ESRRG: variants seen among roughly 807,000 people sequenced by gnomAD.
ESRRG encodes the protein estrogen related receptor gamma, also known as estrogen-related receptor gamma.
ESRRG carries 13 observed loss-of-function variants against 44.0 expected under a neutral mutation model. The observed-to-expected ratio is 0.30, with a 90% CI of 0.19 to 0.47. The LOEUF is 0.47. Ranked by LOEUF, ESRRG falls within the 20% of genes least tolerant of loss-of-function variation. The pLI, the probability that ESRRG is intolerant of heterozygous loss-of-function variation, is 1.00. For missense variants in ESRRG, 395 were observed against 580.6 expected (o/e 0.68, Z 3.29); for synonymous variants, 215 against 214.6 (o/e 1.00, Z -0.02).
At chr1:216,507,251 T>C (rs1482324210) in intron 6 of ESRRG, 68 bp from the exon 7 acceptor site, 1 of 1,024,354 alleles carries the variant, frequency 9.8e-7, no homozygotes. Context: ...ACTAGAGTTA[T>C]AAAATTAGTT....
intron 5 of ESRRG, among the ~76,000 whole-genome samples, chr1:216,550,166 A>G (rs1326275370): frequency 6.6e-6 from 1 of 152,188 alleles, no homozygotes; most frequent in Non-Finnish European, 1.5e-5. Flanking sequence ...GCTGTCTGGA[A>G]TGAACTGAAA....
At chr1:216,879,484 C>CAAAAAAAAAAAAAAA (rs755104959) in intron 2 of ESRRG, among the ~76,000 whole-genome samples, 6 of 89,384 alleles carry the variant, frequency 6.7e-5, no homozygotes, top group African/African-American at 7.8e-5. Flanking sequence ...AAAAGGCCAC[C>CAAAAAAAAAAAAAAA]AAAAAAAAAA....
intron 6 of ESRRG, among the ~76,000 whole-genome samples, chr1:216,517,711 T>C (rs1344789101): frequency 6.6e-6 from 1 of 152,132 alleles, no homozygotes; most frequent in African/African-American, 2.4e-5. Context: ...TCAGAAAATT[T>C]CTACCCCATC....
Position 216,909,796 on chromosome 1 carries a change from G to T in ESRRG, c.-14+29786C>A, listed in dbSNP as rs957538441. Reference sequence around the variant, plus strand: ...TCAGAACCACTATTTGTTGAATAGAGATCTGAGGGACAGATTCAATTAAAC... The same window carrying T: ...TCAGAACCACTATTTGTTGAATAGATATCTGAGGGACAGATTCAATTAAAC... On this transcript the variant is annotated intron_variant, in intron 2 of 7. Coordinates refer to the ESRRG transcript ENST00000359162. Among the ~76,000 whole-genome samples, 14 of 152,170 alleles carry T rather than the reference G, an allele frequency of 9.2e-5. No homozygotes were observed. The East Asian group carries it at 2.7e-3, about 29-fold the overall frequency.
At position 216,677,302 on chromosome 1, in the gene ESRRG, T is replaced by A. The variant is rs763979655; in HGVS notation, c.246A>T (p.Pro82=). ...GGATAGGAGCAGAAGGGTAGAGAGG[T>A]GGCGAGTCAAGTCCGTTCTGATGGC... The part of the protein sequence containing the change: ...MNGHQNGLDS[P]PLYPSAPILG... Residue 82 remains proline, a synonymous_variant, in exon 2 of 7, where the codon CCA becomes CCT. Transcript: ENST00000408911. The A allele has an allele frequency of 4.3e-6, 7 of 1,614,038 alleles. No individual in the cohort carries two copies. Among genetic ancestry groups the A allele is most frequent in the Non-Finnish European group, 5.9e-6 (7 of 1,179,998 alleles).
intron 2 of ESRRG, among the ~76,000 whole-genome samples, chr1:216,868,764 G>A (rs1035505865): frequency 5.3e-5 from 8 of 152,282 alleles, no homozygotes; most frequent in Admixed American, 2.6e-4. Context: ...AGCCATTCTA[G>A]TGATATGCAA....
At chr1:216,812,362 A>C (rs2148484378) in intron 2 of ESRRG, among the ~76,000 whole-genome samples, 1 of 152,352 alleles carries the variant, frequency 6.6e-6, no homozygotes. Context: ...AAATTTAAAA[A>C]TAAGGTTATA....
intron 3 of ESRRG, among the ~76,000 whole-genome samples, chr1:216,647,134 C>A (rs142223486): frequency 5.3e-5 from 8 of 152,066 alleles, no homozygotes; most frequent in African/African-American, 1.9e-4. Flanking sequence ...TAAATCTTGA[C>A]CAGATTTATA....
chr1:217,074,422 A>T (rs1025933188), intron 1 of ESRRG, among the ~76,000 whole-genome samples: 11 of 146,294 alleles, frequency 7.5e-5, no homozygotes, highest in African/African-American at 2.8e-4. Flanking sequence ...TTTAGCCTCA[A>T]TACCCACAGT....
At chr1:216,895,823 ATAACT>A (rs1392107357) in intron 2 of ESRRG, among the ~76,000 whole-genome samples, 1 of 152,166 alleles carries the variant, frequency 6.6e-6, no homozygotes, top group Non-Finnish European at 1.5e-5. Context: ...TTTCTTTTTA[ATAACT>A]TAACAAGTGG....
intron 2 of ESRRG, among the ~76,000 whole-genome samples, chr1:216,887,074 C>A (rs866461572): frequency 6.6e-6 from 1 of 152,028 alleles, no homozygotes; most frequent in Non-Finnish European, 1.5e-5. Flanking sequence ...GGGCAGTTAT[C>A]CACAACTCTT....
Position 217,100,306 on chromosome 1 carries a change from C to T in ESRRG, c.-230+37361G>A, listed in dbSNP as rs373650760. 9.2e-5 allele frequency among the ~76,000 whole-genome samples: 14 copies of T among 152,286 alleles called. No homozygotes were observed. In the South Asian group the frequency reaches 2.9e-3, roughly 32 times the overall value. ...TATAGTCAAGATATCTTGTTAAAAGCACAGCATGCCAGGCTGACCCCAACA... is the reference window on the plus strand; with the variant it reads ...TATAGTCAAGATATCTTGTTAAAAGTACAGCATGCCAGGCTGACCCCAACA... On this transcript the variant is annotated intron_variant, in intron 1 of 8. Transcript: ENST00000366940.
chr1:216,999,947 C>T (rs2076817512), intron 1 of ESRRG, among the ~76,000 whole-genome samples: 1 of 152,166 alleles, frequency 6.6e-6, no homozygotes, highest in Admixed American at 6.5e-5. Context: ...AATTCTCAAA[C>T]AGTATCTACT....
chr1:216,702,024 A>G (rs2151875525), intron 1 of ESRRG, among the ~76,000 whole-genome samples: 1 of 152,326 alleles, frequency 6.6e-6, no homozygotes, highest in Non-Finnish European at 1.5e-5. Flanking sequence ...TTTTGGTTCT[A>G]ATGAAATCAC....
chr1:216,833,340 G>T (rs528606011), intron 2 of ESRRG, among the ~76,000 whole-genome samples: 58 of 152,324 alleles, frequency 3.8e-4, no homozygotes, highest in African/African-American at 1.3e-3. Context: ...TTAGTCATAA[G>T]AATTCAGTCA....
At chr1:216,669,177 A>G (rs1276525750) in intron 2 of ESRRG, among the ~76,000 whole-genome samples, 1 of 152,090 alleles carries the variant, frequency 6.6e-6, no homozygotes, top group Non-Finnish European at 1.5e-5. Flanking sequence ...GTGATAACCT[A>G]AGATATTTAA....
At chr1:217,091,788 T>C (rs1003622925), upstream of ESRRG, among the ~76,000 whole-genome samples, 2 of 152,206 alleles carry the variant, frequency 1.3e-5, no homozygotes, top group African/African-American at 2.4e-5. Flanking sequence ...GGGATTACTA[T>C]AGGCGTTATT....
chr1:216,770,915 T>C (rs1334015106), intron 2 of ESRRG, among the ~76,000 whole-genome samples: 1 of 152,136 alleles, frequency 6.6e-6, no homozygotes, highest in South Asian at 2.1e-4. Flanking sequence ...CATTTATTCA[T>C]TCATTCACTC....
rs928355531 is a variant in ESRRG at position 216,539,683 on chromosome 1, C to T, written c.863-20262G>A. Among the ~76,000 whole-genome samples, 7 of 152,082 alleles carry T rather than the reference C, an allele frequency of 4.6e-5. 1 individual carries two copies. The highest frequency in any genetic ancestry group is 4.6e-4 in the Admixed American group (7 of 15,256). On this transcript the variant is annotated intron_variant, in intron 5 of 6. Transcript: ENST00000408911. ...CTGGATCGCTAGTGTTTAGCAGAGA[C>T]TTACACATACTAGGTGCTCTATAAA...
Sources: gnomAD v4.1 joint callset for allele counts (sites outside exome capture counted in the v4.1 genomes callset) on GRCh38, gnomAD v4.1.1 for gene constraint, MANE v1.5 for transcripts, NCBI Gene and HGNC (gene_info 2026-07-23, HGNC 2026-07-21) for gene names.